XKR6: variants seen among roughly 807,000 people sequenced by gnomAD.
The protein encoded by XKR6 is XK related 6.
Under a neutral mutation model 56.7 loss-of-function variants are expected in XKR6, and 22 were observed. The ratio of observed to expected loss-of-function variants is 0.39; its 90% CI spans 0.28 to 0.55. XKR6 has a LOEUF of 0.55. XKR6 is among the 20% of genes least tolerant of loss of function. The pLI is 0.66. For missense variants in XKR6, 852 were observed against 889.0 expected (o/e 0.96, Z 0.53); for synonymous variants, 524 against 387.8 (o/e 1.35, Z -4.13).
intron 1 of XKR6, among the ~76,000 whole-genome samples, chr8:10,967,297 G>A (rs937346804): frequency 1.3e-5 from 2 of 152,222 alleles, no homozygotes; most frequent in Non-Finnish European, 2.9e-5. Context: ...CCAGTGAGAT[G>A]ACACCTGAGT....
intron 1 of XKR6, among the ~76,000 whole-genome samples, chr8:10,946,403 A>G (rs1483561713): frequency 6.6e-6 from 1 of 152,010 alleles, no homozygotes; most frequent in Admixed American, 6.6e-5. Context: ...ACGTGCTTGT[A>G]CCTTTGTGTA....
intron 1 of XKR6, among the ~76,000 whole-genome samples, chr8:10,960,462 G>A (rs999768159): frequency 6.6e-6 from 1 of 152,222 alleles, no homozygotes; most frequent in Non-Finnish European, 1.5e-5. Flanking sequence ...TAAAGTAAGA[G>A]AGACGGAAGC....
intron 1 of XKR6, among the ~76,000 whole-genome samples, chr8:11,134,695 C>G (rs914061090): frequency 6.6e-6 from 1 of 152,010 alleles, no homozygotes; most frequent in Non-Finnish European, 1.5e-5. Context: ...TGAATACACA[C>G]ACGCACACAC....
intron 1 of XKR6, among the ~76,000 whole-genome samples, chr8:11,094,264 C>G (rs561596441): frequency 6.6e-6 from 1 of 152,312 alleles, no homozygotes; most frequent in African/African-American, 2.4e-5. Context: ...TCTCGGCTCA[C>G]TGCAACCTCT....
intron 1 of XKR6, chr8:11,035,383 C>A: frequency 1.9e-6 from 1 of 527,526 alleles, no homozygotes. Context: ...GGGCTCTTTG[C>A]ACTTCAGGCA....
intron 1 of XKR6, chr8:11,108,234 G>A (rs1399964632): frequency 1.5e-5 from 7 of 452,840 alleles, no homozygotes; most frequent in Non-Finnish European, 2.7e-5. Flanking sequence ...CCATACAATT[G>A]TAAAATCTGT....
intron 1 of XKR6, among the ~76,000 whole-genome samples, chr8:10,951,786 G>A (rs1463808546): frequency 6.6e-6 from 1 of 152,190 alleles, no homozygotes; most frequent in Admixed American, 6.5e-5. Context: ...CTTGGGAGAG[G>A]GAGAAACGAG....
intron 1 of XKR6, among the ~76,000 whole-genome samples, chr8:11,057,618 C>T (rs1799718398): frequency 6.6e-6 from 1 of 152,166 alleles, no homozygotes. Context: ...TTTTGTTCAG[C>T]AGGAGTCCCT....
Position 11,200,562 on chromosome 8 carries a change from C to T in XKR6, c.764+14G>A, listed in dbSNP as rs571124825. ...CCTCAGGGCCGGCCCGCCCCCACCC[C>T]GCAGTGCTCTTACCTCCACACCTGC... is the stretch of plus-strand genomic sequence containing the variant. On this transcript the variant is annotated intron_variant, in intron 1 of 2. Coordinates refer to ENST00000416569, the MANE Select transcript of XKR6 (RefSeq NM_173683.4). The surrounding 1 kb of genome is among the most constrained non-coding windows in gnomAD (Gnocchi z 6.4). 53 of 1,455,294 alleles carry T rather than the reference C, an allele frequency of 3.6e-5. No individual in the cohort carries two copies. In the Admixed American group the frequency reaches 1.2e-3, roughly 34 times the overall value. The allele number at this position is 1,455,294 out of a possible 1,614,324, so 90.1% of individuals were successfully genotyped here. A position where few individuals can be genotyped will look rare whatever the true frequency, so the allele number is the denominator to read the frequency against.
Position 11,201,124 on chromosome 8 carries a change from G to A in XKR6, c.216C>T (p.Ala72=), listed in dbSNP as rs1232724938. 2.0e-6 allele frequency: 3 copies of A among 1,508,584 alleles called. No homozygotes were observed. The highest frequency in any genetic ancestry group is 2.9e-5 in the African/African-American group (2 of 69,376). 93.4% of individuals were successfully genotyped at this position (1,508,584 alleles called of 1,614,324 possible). The change falls in exon 1 of 3, where the codon GCC becomes GCT. Residue 72 remains alanine (A), a synonymous_variant. Coordinates refer to ENST00000416569, the MANE Select transcript of XKR6 (RefSeq NM_173683.4). ...TSSCYWGCRS[A]CLRSLLGRKP... ...TCCTGCCCAGGAGGGAGCGCAGGCAGGCGGAGCGGCAGCCCCAGTAGCACG... is the reference window on the plus strand; with the variant it reads ...TCCTGCCCAGGAGGGAGCGCAGGCAAGCGGAGCGGCAGCCCCAGTAGCACG...
intron 1 of XKR6, among the ~76,000 whole-genome samples, chr8:10,982,640 C>T (rs1797760774): frequency 6.6e-6 from 1 of 152,172 alleles, no homozygotes; most frequent in Non-Finnish European, 1.5e-5. Context: ...TTCCCGGAGT[C>T]AGATCGTTTT....
At chr8:10,924,932 A>G in intron 1 of XKR6, 102 bp from the exon 2 acceptor site, 4 of 1,261,266 alleles carry the variant, frequency 3.2e-6, no homozygotes, top group Non-Finnish European at 4.4e-6. Context: ...GCATCCCCCC[A>G]ACTCCCTATG....
intron 1 of XKR6, among the ~76,000 whole-genome samples, chr8:11,043,752 G>C (rs1183289430): frequency 6.6e-6 from 1 of 152,218 alleles, no homozygotes; most frequent in Admixed American, 6.5e-5. Context: ...CAGGACAGGA[G>C]GTTGGATGCA....
Position 11,020,263 on chromosome 8 carries a change from G to A in XKR6, c.765-95433C>T, listed in dbSNP as rs117757552. On this transcript the variant is annotated intron_variant, in intron 1 of 2. Coordinates refer to ENST00000416569, the MANE Select transcript of XKR6 (RefSeq NM_173683.4). ...CCAGAGTTCATATGATTTCAGTGTAGGAAGCCGACACCGTCTGTGCATCCC... is the reference window on the plus strand; with the variant it reads ...CCAGAGTTCATATGATTTCAGTGTAAGAAGCCGACACCGTCTGTGCATCCC... Among the ~76,000 whole-genome samples, 123 of 152,248 alleles carry A rather than the reference G, an allele frequency of 8.1e-4. 3 individuals are homozygous for A. In the East Asian group the frequency reaches 0.019, roughly 23 times the overall value.
chr8:11,143,239 A>T (rs191310438), intron 1 of XKR6, among the ~76,000 whole-genome samples: 2 of 152,348 alleles, frequency 1.3e-5, no homozygotes, highest in Non-Finnish European at 2.9e-5. Flanking sequence ...CTGATAAAAA[A>T]CAAACACTAC....
chr8:11,053,518 G>A (rs1300575280), intron 1 of XKR6, among the ~76,000 whole-genome samples: 6 of 152,172 alleles, frequency 3.9e-5, no homozygotes, highest in African/African-American at 1.4e-4. Flanking sequence ...GAGGATGGGC[G>A]GCATCCCTGC....
At chr8:11,126,627 T>G (rs1799812350) in intron 1 of XKR6, among the ~76,000 whole-genome samples, 1 of 152,170 alleles carries the variant, frequency 6.6e-6, no homozygotes, top group Non-Finnish European at 1.5e-5. Flanking sequence ...AGAATTGTAG[T>G]CACCTGCCGA....
At chr8:11,186,756 G>C (rs1254840654) in intron 1 of XKR6, among the ~76,000 whole-genome samples, 1 of 152,102 alleles carries the variant, frequency 6.6e-6, no homozygotes, top group Non-Finnish European at 1.5e-5. Context: ...CTGAGGTGTT[G>C]AGCCCTGAGG....
chr8:11,071,540 CTA>C (rs1259658707), intron 1 of XKR6, among the ~76,000 whole-genome samples: 2 of 144,070 alleles, frequency 1.4e-5, no homozygotes, highest in Non-Finnish European at 3.1e-5. Context: ...AGCCCCGAGT[CTA>C]TGAGCCCCGA....
Sources: gnomAD v4.1 joint callset for allele counts (sites outside exome capture counted in the v4.1 genomes callset) on GRCh38, gnomAD v4.1.1 for gene constraint, Gnocchi (gnomAD v3.1) non-coding constraint, MANE v1.5 for transcripts, NCBI Gene and HGNC (gene_info 2026-07-23, HGNC 2026-07-21) for gene names.